FGF13: variants seen among roughly 807,000 people sequenced by gnomAD.
FGF13 encodes the protein fibroblast growth factor 13.
Under a neutral mutation model 19.5 loss-of-function variants are expected in FGF13, and 2 were observed. That is an observed-to-expected ratio of 0.10 (90% confidence interval 0.04 to 0.32). FGF13 has a LOEUF of 0.32. Ranked by LOEUF, FGF13 falls within the 10% of genes least tolerant of loss-of-function variation. The pLI, the probability that FGF13 is intolerant of heterozygous loss-of-function variation, is 1.00. For synonymous variants in FGF13, 72 were observed against 76.9 expected (o/e 0.94, Z 0.33); for missense variants, 113 against 192.7 (o/e 0.59, Z 2.45).
chrX:139,066,232 A>C (rs1304107143), intron 1 of FGF13, among the ~76,000 whole-genome samples: 3 of 111,932 alleles, frequency 2.7e-5, no homozygotes, highest in Non-Finnish European at 3.8e-5. Context: ...AAGGATCTAA[A>C]ATCAACATCC....
At position 138,958,438 on chromosome X, in the gene FGF13, T is replaced by C. The variant is rs140405373; in HGVS notation, c.-112-93788A>G. On this transcript the variant is annotated intron_variant, in intron 1 of 2. Transcript: ENST00000421460. ...CTGGATTCAGTTTGCCAGGATTTTATTGAGGATTTTTGCATCGATGTTCAT... is the reference window on the plus strand; with the variant it reads ...CTGGATTCAGTTTGCCAGGATTTTACTGAGGATTTTTGCATCGATGTTCAT... Among the ~76,000 whole-genome samples the C allele has an allele frequency of 4.7e-3, 524 of 111,971 alleles. 2 individuals carry two copies. Among genetic ancestry groups the C allele is most frequent in the African/African-American group, 0.016 (495 of 30,807 alleles).
At chrX:139,113,626 G>A (rs116060417) in intron 1 of FGF13, among the ~76,000 whole-genome samples, 66 of 112,344 alleles carry the variant, frequency 5.9e-4, no homozygotes, top group African/African-American at 1.9e-3. Flanking sequence ...CTTAAAATAC[G>A]TGGTTACATT....
rs758730048 is a variant in FGF13 at position 138,624,631 on chromosome X, C to T, written c.*8219G>A. 2 of 111,915 alleles carry T rather than the reference C, an allele frequency of 1.8e-5. No individual in the cohort carries two copies. The highest frequency in any genetic ancestry group is 9.4e-5 in the Admixed American group (1 of 10,604). 9.2% of individuals were successfully genotyped at this position (111,915 alleles called of 1,213,427 possible). ...GTGGCCCATGCCTCTAATCCTAACA[C>T]TTTGGGAGGTCCCAAGGTGGGCAAG... On this transcript the variant is annotated 3_prime_UTR_variant, in exon 5 of 5. Coordinates refer to ENST00000315930, the MANE Select transcript of FGF13 (RefSeq NM_004114.5).
Position 138,993,514 on chromosome X carries a change from GCT to G in FGF13, c.-112-128866_-112-128865del, listed in dbSNP as rs758775385. Among the ~76,000 whole-genome samples, 8 of 111,651 alleles carry G rather than the reference GCT, an allele frequency of 7.2e-5. No homozygotes were observed. The East Asian group carries it at 2.3e-3, about 31-fold the overall frequency. On this transcript the variant is annotated intron_variant, in intron 1 of 2. Transcript: ENST00000421460. Reference sequence around the variant, plus strand: ...AACTAAAGCAGCTTTCATCATCAATGCTTAATGAAAACGTATCTCTAAGACAA... The same window carrying G: ...AACTAAAGCAGCTTTCATCATCAATGTAATGAAAACGTATCTCTAAGACAA...
intron 3 of FGF13, among the ~76,000 whole-genome samples, chrX:138,808,223 G>A (rs1464281451): frequency 8.9e-6 from 1 of 111,900 alleles, no homozygotes. Context: ...TAAAAGAACA[G>A]AAATTATAAC....
At chrX:138,721,612 A>G (rs1444206012) in intron 1 of FGF13, among the ~76,000 whole-genome samples, 1 of 110,409 alleles carries the variant, frequency 9.1e-6, no homozygotes, top group Non-Finnish European at 1.9e-5. Context: ...CTCCCTCATG[A>G]TTCCTTACTT....
At chrX:139,204,598 C>T (rs932167758), upstream of FGF13, among the ~76,000 whole-genome samples, 1 of 113,016 alleles carries the variant, frequency 8.8e-6, no homozygotes, top group African/African-American at 3.2e-5. Flanking sequence ...TGCTTTCCCC[C>T]GCCTCTCCCA....
intron 1 of FGF13, among the ~76,000 whole-genome samples, chrX:138,737,682 A>T (rs1163865892): frequency 8.9e-6 from 1 of 111,983 alleles, no homozygotes; most frequent in Non-Finnish European, 1.9e-5. Flanking sequence ...TTTGGTGAGA[A>T]TTTCCTGTGT....
rs186234784 is a variant in FGF13 at position 139,106,303 on chromosome X, T to G, written c.-113+97113A>C. ...ATGACTCAACAGAGCCACAGAAAAG[T>G]TGGGTGACTTACCCAAGGCCATCCA... On this transcript the variant is annotated intron_variant, in intron 1 of 2. Coordinates refer to the FGF13 transcript ENST00000421460. Among the ~76,000 whole-genome samples, 162 of 112,668 alleles carry G rather than the reference T, an allele frequency of 1.4e-3. 2 individuals are homozygous for G. Among genetic ancestry groups the G allele is most frequent in the African/African-American group, 4.8e-3 (148 of 31,104 alleles).
chrX:138,845,173 A>G (rs1399804612), intron 3 of FGF13, among the ~76,000 whole-genome samples: 1 of 111,197 alleles, frequency 9.0e-6, no homozygotes, highest in East Asian at 2.8e-4. Flanking sequence ...TATGTATTAG[A>G]GTGTTTTTGA....
chrX:138,905,692 G>A (rs992609895), intron 1 of FGF13, among the ~76,000 whole-genome samples: 1 of 112,359 alleles, frequency 8.9e-6, no homozygotes, highest in Non-Finnish European at 1.9e-5. Context: ...TGACCAGGAA[G>A]CCCTGACATG....
At chrX:138,765,472 G>A (rs998733901) in intron 3 of FGF13, among the ~76,000 whole-genome samples, 7 of 112,026 alleles carry the variant, frequency 6.2e-5, no homozygotes, top group African/African-American at 2.3e-4. Flanking sequence ...CAGGCACTCT[G>A]TCCCAGTGCC....
At chrX:138,829,161 C>T (rs905461431) in intron 3 of FGF13, among the ~76,000 whole-genome samples, 11 of 111,817 alleles carry the variant, frequency 9.8e-5, no homozygotes, top group Admixed American at 7.6e-4. Flanking sequence ...CTGTCTCACA[C>T]ACACGTTTTC....
At chrX:139,084,772 G>T (rs1405975346) in intron 1 of FGF13, among the ~76,000 whole-genome samples, 2 of 112,323 alleles carry the variant, frequency 1.8e-5, no homozygotes, top group Non-Finnish European at 3.8e-5. Context: ...GCTATCATTT[G>T]TTCCTCTGCA....
chrX:138,639,440 G>T (rs1257032001), intron 3 of FGF13, among the ~76,000 whole-genome samples: 4 of 112,014 alleles, frequency 3.6e-5, no homozygotes, highest in Non-Finnish European at 7.5e-5. Flanking sequence ...GAGTTAAAAA[G>T]ATGTCATGCA....
intron 1 of FGF13, among the ~76,000 whole-genome samples, chrX:139,145,361 G>A (rs1569457676): frequency 9.0e-6 from 1 of 111,568 alleles, no homozygotes; most frequent in Non-Finnish European, 1.9e-5. Flanking sequence ...TCATTACCTT[G>A]ATTGTGGTGA....
chrX:138,857,799 A>C, intron 2 of FGF13: 2 of 578,041 alleles, frequency 3.5e-6, no homozygotes, highest in Non-Finnish European at 5.0e-6. Context: ...AAAAGTTTCA[A>C]AGAAAAACAT....
intron 3 of FGF13, among the ~76,000 whole-genome samples, chrX:138,796,233 G>A (rs1275028841): frequency 9.1e-6 from 1 of 110,086 alleles, no homozygotes; most frequent in Admixed American, 9.7e-5. Flanking sequence ...TCCCCCACCC[G>A]CCGATAGGCC....
chrX:138,773,240 A>G (rs2090562327), intron 3 of FGF13, among the ~76,000 whole-genome samples: 1 of 111,048 alleles, frequency 9.0e-6, no homozygotes, highest in Non-Finnish European at 1.9e-5. Flanking sequence ...GTGACCCCAC[A>G]ATGTATAGTG....
Sources: gnomAD v4.1 joint callset for allele counts (sites outside exome capture counted in the v4.1 genomes callset) on GRCh38, gnomAD v4.1.1 for gene constraint, MANE v1.5 for transcripts, NCBI Gene and HGNC (gene_info 2026-07-23, HGNC 2026-07-21) for gene names.